COL4A1: variants seen among roughly 807,000 people sequenced by gnomAD.
COL4A1 encodes the protein collagen type IV alpha 1 chain, also known as collagen alpha-1(IV) chain.
Under a neutral mutation model 216.6 loss-of-function variants are expected in COL4A1, and 40 were observed. That is an observed-to-expected ratio of 0.18 (90% CI 0.14 to 0.24). The LOEUF (loss-of-function observed/expected upper bound fraction) is 0.24. Ranked by LOEUF, COL4A1 falls within the 10% of genes least tolerant of loss-of-function variation. COL4A1 has a pLI of 1.00. For missense variants in COL4A1, 1,628 were observed against 2,196.8 expected, an observed-to-expected ratio of 0.74 and a Z score of 5.18; for synonymous variants, 839 against 810.7, an observed-to-expected ratio of 1.03 and a Z score of -0.59.
intron 1 of COL4A1, among the ~76,000 whole-genome samples, chr13:110,247,835 G>GTGTGTGTGTGT (rs765744265): frequency 8.1e-4 from 78 of 96,526 alleles, no homozygotes; most frequent in Middle Eastern, 6.1e-3. Context: ...GTGTGTGTGT[G>GTGTGTGTGTGT]GCAGAGAGAG....
intron 1 of COL4A1, among the ~76,000 whole-genome samples, chr13:110,259,401 C>T (rs1355419763): frequency 6.6e-6 from 1 of 152,076 alleles, no homozygotes; most frequent in Non-Finnish European, 1.5e-5. Context: ...AACAATACTA[C>T]TTAAAAAAAA....
chr13:110,235,569 T>A (rs948344654), intron 2 of COL4A1, among the ~76,000 whole-genome samples: 1 of 148,596 alleles, frequency 6.7e-6, no homozygotes, highest in African/African-American at 2.5e-5. Context: ...GAGAATGGCG[T>A]GAACCAGTGA....
intron 45 of COL4A1, among the ~76,000 whole-genome samples, chr13:110,165,192 C>T (rs1172236653): frequency 6.6e-6 from 1 of 152,144 alleles, no homozygotes; most frequent in Non-Finnish European, 1.5e-5. Flanking sequence ...AAATCCTGAA[C>T]TCTCGGGCAA....
At chr13:110,214,474 T>G (rs1165084018) in intron 2 of COL4A1, among the ~76,000 whole-genome samples, 1 of 152,140 alleles carries the variant, frequency 6.6e-6, no homozygotes, top group Non-Finnish European at 1.5e-5. Context: ...GATGTGTTTT[T>G]GAGGGTGTGT....
chr13:110,193,856 C>A (rs1205760053), intron 22 of COL4A1, among the ~76,000 whole-genome samples: 1 of 152,188 alleles, frequency 6.6e-6, no homozygotes, highest in South Asian at 2.1e-4. Context: ...CAGCTGAGAA[C>A]CCAGCTAAGT....
intron 1 of COL4A1, among the ~76,000 whole-genome samples, chr13:110,246,666 G>A (rs1054948615): frequency 2.0e-5 from 3 of 152,142 alleles, no homozygotes; most frequent in African/African-American, 7.2e-5. Context: ...CATATCTGAG[G>A]GCCTTTATGA....
chr13:110,213,640 G>C (rs1005843150), intron 4 of COL4A1, 142 bp downstream of exon 4: 6 of 800,650 alleles, frequency 7.5e-6, no homozygotes, highest in Non-Finnish European at 4.3e-6. Flanking sequence ...TGCCTGCCTC[G>C]CGCCTGCCTG....
intron 17 of COL4A1, 130 bp from the exon 18 acceptor site, chr13:110,203,737 A>AG (rs201089974): frequency 1.0e-6 from 1 of 985,262 alleles, no homozygotes; most frequent in African/African-American, 1.6e-5. Flanking sequence ...TTCTCTCTTT[A>AG]ATATCTCTCA....
intron 17 of COL4A1, 46 bp from the exon 18 acceptor site, chr13:110,203,653 A>T: frequency 2.5e-6 from 4 of 1,600,284 alleles, no homozygotes; most frequent in Non-Finnish European, 3.4e-6. Context: ...TACTATAAAG[A>T]TTGTCTTGCA....
At chr13:110,159,796 T>C (rs1876983083) in intron 49 of COL4A1, among the ~76,000 whole-genome samples, 1 of 152,158 alleles carries the variant, frequency 6.6e-6, no homozygotes. Context: ...TCCTATCACA[T>C]GCTATAATAT....
chr13:110,205,569 T>C, intron 15 of COL4A1, 31 bp from the exon 16 acceptor site: 1 of 1,611,176 alleles, frequency 6.2e-7, no homozygotes, highest in Non-Finnish European at 8.5e-7. Flanking sequence ...CGTTAGTATT[T>C]AATAAATAAT....
rs866048513 is a variant in COL4A1 at position 110,253,871 on chromosome 13, T to A, written c.85-11137A>T. Reference sequence around the variant, plus strand: ...ATACGTATATATGTATGTGTGTGTGTATATATATAAAGTATAATGTGCTGT... The same window carrying A: ...ATACGTATATATGTATGTGTGTGTGAATATATATAAAGTATAATGTGCTGT... On this transcript the variant is annotated intron_variant, in intron 1 of 51. Transcript: ENST00000375820. Among the ~76,000 whole-genome samples the A allele has an allele frequency of 4.0e-5, 6 of 150,234 alleles. 1 individual carries two copies. The highest frequency in any genetic ancestry group is 9.7e-5 in the African/African-American group (4 of 41,036).
Position 110,208,353 on chromosome 13 carries a change from C to T in COL4A1, c.693+496G>A, listed in dbSNP as rs142903753. On this transcript the variant is annotated intron_variant, in intron 12 of 51. Transcript: ENST00000375820. ...GAGAAGAGAGGCCGGTGGTGCGGGG[C>T]CACTGCCAACCGTGCTAGTCCTAAT... Among the ~76,000 whole-genome samples the T allele has an allele frequency of 3.3e-3, 509 of 152,264 alleles. 2 individuals are homozygous for T. Among genetic ancestry groups the T allele is most frequent in the African/African-American group, 0.011 (457 of 41,550 alleles).
Position 110,172,774 on chromosome 13 carries a change from T to G in COL4A1, c.3506-4A>C. ...GGGAATCCTCTTCCTGGTAGACCTA[T>G]AAGATGAGGGTAAAATGCCACGTTT... On this transcript the variant is annotated splice_region_variant and splice_polypyrimidine_tract_variant and intron_variant, in intron 40 of 51. Coordinates refer to ENST00000375820, the MANE Select transcript of COL4A1 (RefSeq NM_001845.6). The G allele has an allele frequency of 6.2e-7, 1 of 1,613,762 alleles. No individual in the cohort carries two copies. Among genetic ancestry groups the G allele is most frequent in the East Asian group, 2.2e-5 (1 of 44,888 alleles).
rs1232826581 is a variant in COL4A1, at chr13:110,149,279, T to A, written c.*1084A>T. On this transcript the variant is annotated 3_prime_UTR_variant, in exon 52 of 52. Transcript: ENST00000375820. ...TGAGAAACCACGGAAATGGCCCGAATGTGCTTACGTGTGAAAATACTGATA... is the reference window on the plus strand; with the variant it reads ...TGAGAAACCACGGAAATGGCCCGAAAGTGCTTACGTGTGAAAATACTGATA... 6.5e-6 allele frequency: 1 copy of A among 154,792 alleles called. No homozygotes were observed. The highest frequency in any genetic ancestry group is 1.5e-5 in the Non-Finnish European group (1 of 68,214). The allele number at this position is 154,792 out of a possible 1,614,324, so 9.6% of individuals were successfully genotyped here.
chr13:110,234,264 A>C (rs1881197669), intron 2 of COL4A1, among the ~76,000 whole-genome samples: 1 of 152,164 alleles, frequency 6.6e-6, no homozygotes, highest in African/African-American at 2.4e-5. Context: ...CTCTTTCACA[A>C]AGGCCGTTCC....
Position 110,164,866 on chromosome 13 carries a change from C to G in COL4A1, c.4146G>C (p.Gln1382His). ...GCACAGGCCAAGCCTTCTCACCTTG[C>G]TGGCCTTTCGGGCCTGGCAGTCCCT... ...GLQGLPGPKGQQGVTGLVGIP... is the reference protein window; with the variant it reads ...GLQGLPGPKGHQGVTGLVGIP... The change falls in exon 46 of 52, where the codon CAG becomes CAC. Residue 1382 changes from glutamine (Q) to histidine (H), a missense_variant. Coordinates refer to ENST00000375820, the MANE Select transcript of COL4A1 (RefSeq NM_001845.6). The G allele has an allele frequency of 6.2e-7, 1 of 1,612,460 alleles. No homozygotes were observed. The highest frequency in any genetic ancestry group is 1.7e-5 in the Admixed American group (1 of 59,882).
In COL4A1 at chr13:110,188,145, G is replaced by A. The variant is rs151049094; in HGVS notation, c.1537-816C>T. 9.8e-5 allele frequency among the ~76,000 whole-genome samples: 15 copies of A among 152,308 alleles called. No homozygotes were observed. The East Asian group carries it at 2.5e-3, about 25-fold the overall frequency. On this transcript the variant is annotated intron_variant, in intron 24 of 51. Transcript: ENST00000375820. ...GGGTTTCACAAGAAAAACAGAAAAT[G>A]TTTCCAACAATTGTCCCATTGACTT...
chr13:110,283,904 A>T (rs1230343403), intron 1 of COL4A1, among the ~76,000 whole-genome samples: 6 of 152,160 alleles, frequency 3.9e-5, no homozygotes, highest in African/African-American at 1.4e-4. Context: ...AGGATGGGAG[A>T]TGAGGTGGCA....
Sources: gnomAD v4.1 joint callset for allele counts (sites outside exome capture counted in the v4.1 genomes callset) on GRCh38, gnomAD v4.1.1 for gene constraint, MANE v1.5 for transcripts, NCBI Gene and HGNC (gene_info 2026-07-23, HGNC 2026-07-21) for gene names.